Variants in SLC24A3 observed in about 807,000 individuals in gnomAD.
The protein encoded by SLC24A3 is solute carrier family 24 member 3, also known as sodium/potassium/calcium exchanger 3.
Under a neutral mutation model 75.8 loss-of-function variants are expected in SLC24A3, and 28 were observed. The ratio of observed to expected loss-of-function variants is 0.37; its 90% CI spans 0.27 to 0.51. SLC24A3 has a LOEUF of 0.51. Ranked by LOEUF, SLC24A3 falls within the 20% of genes least tolerant of loss-of-function variation. SLC24A3 has a pLI of 0.94. For missense variants in SLC24A3, 663 were observed against 847.8 expected (o/e 0.78, Z 2.71); for synonymous variants, 372 against 334.1 (o/e 1.11, Z -1.24).
At chr20:19,607,493 TC>T (rs1476740051) in intron 6 of SLC24A3, among the ~76,000 whole-genome samples, 1 of 152,078 alleles carries the variant, frequency 6.6e-6, no homozygotes, top group Non-Finnish European at 1.5e-5. Flanking sequence ...CAATTGGGGG[TC>T]TAAGCTATGA....
At chr20:19,436,287 T>C (rs1987201016) in intron 2 of SLC24A3, among the ~76,000 whole-genome samples, 2 of 152,212 alleles carry the variant, frequency 1.3e-5, no homozygotes, top group Non-Finnish European at 2.9e-5. Flanking sequence ...TGACTTCCTT[T>C]AAAAAAGCCA....
At chr20:19,230,169 T>C (rs1426327957) in intron 1 of SLC24A3, among the ~76,000 whole-genome samples, 1 of 152,118 alleles carries the variant, frequency 6.6e-6, no homozygotes, top group Non-Finnish European at 1.5e-5. Flanking sequence ...GCCGGGGGTG[T>C]GCCTGTGAAC....
At chr20:19,557,444 G>A (rs1335959964) in intron 3 of SLC24A3, among the ~76,000 whole-genome samples, 2 of 152,148 alleles carry the variant, frequency 1.3e-5, no homozygotes, top group Non-Finnish European at 2.9e-5. Context: ...CCCAGTGTCA[G>A]TTACTAAACA....
At chr20:19,386,700 C>T (rs1026626492) in intron 2 of SLC24A3, among the ~76,000 whole-genome samples, 22 of 151,922 alleles carry the variant, frequency 1.4e-4, no homozygotes, top group Admixed American at 8.5e-4. Flanking sequence ...ATTCTATTAA[C>T]GTGATTTGTC....
At chr20:19,444,731 G>A (rs909173436) in intron 2 of SLC24A3, among the ~76,000 whole-genome samples, 1 of 151,878 alleles carries the variant, frequency 6.6e-6, no homozygotes, top group Non-Finnish European at 1.5e-5. Flanking sequence ...TACCTGGCTT[G>A]ATCAATTTTA....
chr20:19,426,964 G>A (rs374982586), intron 2 of SLC24A3, among the ~76,000 whole-genome samples: 3 of 152,326 alleles, frequency 2.0e-5, no homozygotes, highest in East Asian at 3.9e-4. Flanking sequence ...AGGTGAATGC[G>A]TGAAGGGGAA....
chr20:19,641,992 C>T (rs182806319), intron 6 of SLC24A3, among the ~76,000 whole-genome samples: 2 of 152,276 alleles, frequency 1.3e-5, no homozygotes, highest in Admixed American at 6.5e-5. Context: ...TGGCTCAAAA[C>T]GTAGTCCTAT....
chr20:19,655,513 T>C (rs2032255424), intron 7 of SLC24A3, among the ~76,000 whole-genome samples: 1 of 152,142 alleles, frequency 6.6e-6, no homozygotes. Context: ...TCGACTGGGC[T>C]AAGGTGTGCC....
intron 15 of SLC24A3, among the ~76,000 whole-genome samples, chr20:19,708,817 C>T (rs940808516): frequency 6.6e-6 from 1 of 152,204 alleles, no homozygotes; most frequent in African/African-American, 2.4e-5. Context: ...TCCCCTTGAT[C>T]TTGACCATTG....
intron 3 of SLC24A3, among the ~76,000 whole-genome samples, chr20:19,538,932 C>T (rs1439204966): frequency 6.6e-6 from 1 of 152,228 alleles, no homozygotes; most frequent in Non-Finnish European, 1.5e-5. Context: ...TGGTGATAAT[C>T]TACCATGATC....
intron 2 of SLC24A3, among the ~76,000 whole-genome samples, chr20:19,358,810 T>C (rs1301473747): frequency 6.6e-6 from 1 of 152,202 alleles, no homozygotes; most frequent in East Asian, 1.9e-4. Flanking sequence ...GTCACCAATC[T>C]GTGTTCCTTC....
chr20:19,474,273 C>G (rs911787023), intron 2 of SLC24A3, among the ~76,000 whole-genome samples: 1 of 152,202 alleles, frequency 6.6e-6, no homozygotes, highest in Non-Finnish European at 1.5e-5. Context: ...CCTGTGTCCC[C>G]CGGGGCTCCC....
chr20:19,513,912 T>C (rs1050513933), intron 2 of SLC24A3, among the ~76,000 whole-genome samples: 8 of 152,158 alleles, frequency 5.3e-5, no homozygotes, highest in African/African-American at 1.9e-4. Flanking sequence ...TGTGTTTGTG[T>C]GTGTGTGTAG....
intron 3 of SLC24A3, among the ~76,000 whole-genome samples, chr20:19,534,892 T>C (rs2030368761): frequency 6.6e-6 from 1 of 152,196 alleles, no homozygotes. Context: ...ATTGTATAGG[T>C]ATTGTATAGA....
intron 6 of SLC24A3, among the ~76,000 whole-genome samples, chr20:19,590,878 C>A (rs867481140): frequency 8.5e-5 from 13 of 152,202 alleles, no homozygotes; most frequent in Non-Finnish European, 1.9e-4. Context: ...GCTCTCATCA[C>A]GTTCTAGACC....
At chr20:19,457,306 G>A (rs922026968) in intron 2 of SLC24A3, among the ~76,000 whole-genome samples, 5 of 152,118 alleles carry the variant, frequency 3.3e-5, no homozygotes, top group Admixed American at 1.3e-4. Flanking sequence ...GGCAAATCAT[G>A]TTACCACCCT....
In SLC24A3 at chr20:19,444,161, C is replaced by T. The variant is rs565592598; in HGVS notation, c.272-71327C>T. Among the ~76,000 whole-genome samples, 65 of 152,278 alleles carry T rather than the reference C, an allele frequency of 4.3e-4. 1 individual carries two copies. The highest frequency in any genetic ancestry group is 1.4e-3 in the African/African-American group (57 of 41,558). Reference sequence around the variant, plus strand: ...TAATTGATTTCAAATATCAATCCCACCTTGCATAACTAGAACAAATATCAC... The same window carrying T: ...TAATTGATTTCAAATATCAATCCCATCTTGCATAACTAGAACAAATATCAC... On this transcript the variant is annotated intron_variant, in intron 2 of 16. Coordinates refer to ENST00000328041, the MANE Select transcript of SLC24A3 (RefSeq NM_020689.4).
At chr20:19,394,189 C>A (rs1040810275) in intron 2 of SLC24A3, among the ~76,000 whole-genome samples, 1 of 152,092 alleles carries the variant, frequency 6.6e-6, no homozygotes, top group Admixed American at 6.5e-5. Context: ...TACCTTACAC[C>A]ATAGACAAAA....
At chr20:19,402,477 G>A (rs924259674) in intron 2 of SLC24A3, among the ~76,000 whole-genome samples, 3 of 152,182 alleles carry the variant, frequency 2.0e-5, no homozygotes, top group Non-Finnish European at 4.4e-5. Context: ...TGTGTAGTTA[G>A]GGCACATTGG....
Sources: allele counts gnomAD v4.1 joint callset (sites outside exome capture counted in the v4.1 genomes callset), GRCh38; gene constraint gnomAD v4.1.1; transcripts MANE v1.5; gene names NCBI Gene and HGNC (gene_info 2026-07-23, HGNC 2026-07-21).